RANBP3: variants seen among roughly 807,000 people sequenced by gnomAD.
The protein encoded by RANBP3 is RAN binding protein 3, also known as ran-binding protein 3.
RANBP3 carries 14 observed loss-of-function variants against 77.3 expected under a neutral mutation model. The observed-to-expected ratio is 0.18, with a 90% CI of 0.12 to 0.28. RANBP3 has a LOEUF of 0.28. Among genes scored for constraint, RANBP3 ranks in the 10% least tolerant of loss-of-function variants. RANBP3 has a pLI of 1.00. For synonymous variants in RANBP3, 315 were observed against 312.4 expected, an observed-to-expected ratio of 1.01 and a Z score of -0.09; for missense variants, 586 against 752.3, an observed-to-expected ratio of 0.78 and a Z score of 2.59.
At chr19:5,967,676 C>T (rs546940961) in intron 1 of RANBP3, among the ~76,000 whole-genome samples, 2 of 152,274 alleles carry the variant, frequency 1.3e-5, no homozygotes, top group Admixed American at 1.3e-4. Flanking sequence ...AGAACTTGCA[C>T]TTCTGAACAG....
At chr19:5,941,478 A>C (rs1599753152) in intron 5 of RANBP3, 143 bp downstream of exon 5, 5 of 712,204 alleles carry the variant, frequency 7.0e-6, no homozygotes, top group Non-Finnish European at 1.2e-5. Flanking sequence ...CTCTCACCTC[A>C]CTCCTGACAG....
rs369220045 is a variant in RANBP3 at position 5,950,004 on chromosome 19, T to TG, written c.282+1388dup. On this transcript the variant is annotated intron_variant, in intron 3 of 16. Coordinates refer to ENST00000340578, the MANE Select transcript of RANBP3 (RefSeq NM_007322.3). ...AACCCAGGCACCTGCAGAAGGCCTC[T>TG]GGGGGGGACCCTAAAGACCATCTGT... is the stretch of plus-strand genomic sequence containing the variant. Among the ~76,000 whole-genome samples the TG allele has an allele frequency of 4.5e-3, 685 of 152,206 alleles. 3 individuals carry two copies. The highest frequency in any genetic ancestry group is 0.016 in the African/African-American group (657 of 41,524).
At chr19:5,931,648 A>G in intron 7 of RANBP3, 117 bp from the exon 8 acceptor site, 2 of 1,092,056 alleles carry the variant, frequency 1.8e-6, no homozygotes, top group Non-Finnish European at 2.5e-6. Context: ...GGTAAAGCCC[A>G]CAGCACATGT....
Position 5,932,484 on chromosome 19 carries a change from T to C in RANBP3, c.533A>G (p.Gln178Arg), listed in dbSNP as rs1259269486. The change falls in exon 7 of 17, where the codon CAA (glutamine) becomes CGA (arginine). Residue 178 changes from glutamine (Q) to arginine (R), a missense_variant. By Grantham distance (43) the Gln-to-Arg change is conservative. Around this residue, in one of 5 missense-constraint regions of RANBP3, gnomAD observed 232 missense variants for 271.7 expected, o/e 0.85. Coordinates refer to ENST00000340578, the MANE Select transcript of RANBP3 (RefSeq NM_007322.3). The stretch of plus-strand genomic sequence containing the variant: ...GGACAGCGCCTTTGGCTGCGGAGCT[T>C]GTAACACTGCCGGGCGAAGCACGCT... ...QRSVLRPAVL[Q>R]APQPKALSQT... 2 of 1,613,798 alleles carry C rather than the reference T, an allele frequency of 1.2e-6. No individual in the cohort carries two copies. The highest frequency in any genetic ancestry group is 2.2e-5 in the East Asian group (1 of 44,898).
intron 3 of RANBP3, among the ~76,000 whole-genome samples, chr19:5,945,420 A>G (rs929676323): frequency 2.6e-5 from 4 of 152,302 alleles, no homozygotes; most frequent in South Asian, 4.1e-4. Context: ...CACATACTCC[A>G]TATTTTGATC....
In RANBP3 at chr19:5,933,251, C is replaced by A. The variant is rs944290838; in HGVS notation, c.472+163G>T. 1.1e-5 allele frequency: 6 copies of A among 570,026 alleles called. No homozygotes were observed. The African/African-American group carries it at 1.2e-4, about 11-fold the overall frequency. 35.3% of individuals were successfully genotyped at this position (570,026 alleles called of 1,614,324 possible). A position where few individuals can be genotyped will look rare whatever the true frequency, so the allele number is the denominator to read the frequency against. On this transcript the variant is annotated intron_variant, in intron 6 of 16. Coordinates refer to ENST00000340578, the MANE Select transcript of RANBP3 (RefSeq NM_007322.3). ...ACAGTCAGGGGTCCCAACCTCCCTG[C>A]TCAGACAGCCTCTCTTTAAAGGAAC...
At position 5,948,960 on chromosome 19, in the gene RANBP3, AG is replaced by A. The variant is rs1331402338; in HGVS notation, c.282+2432del. 2.0e-5 allele frequency among the ~76,000 whole-genome samples: 3 copies of A among 152,354 alleles called. No individual in the cohort carries two copies. The East Asian group carries it at 5.8e-4, about 29-fold the overall frequency. On this transcript the variant is annotated intron_variant, in intron 3 of 16. Coordinates refer to ENST00000340578, the MANE Select transcript of RANBP3 (RefSeq NM_007322.3). Reference sequence around the variant, plus strand: ...TTCTTCAGACTGTCTTCTGAAAGCCAGGAAGTCTGATATATAGAGACTTTTT... The same window carrying A: ...TTCTTCAGACTGTCTTCTGAAAGCCAGAAGTCTGATATATAGAGACTTTTT...
chr19:5,922,158 A>C (rs1288543652), intron 13 of RANBP3, among the ~76,000 whole-genome samples: 1 of 150,028 alleles, frequency 6.7e-6, no homozygotes, highest in Admixed American at 6.7e-5. Context: ...TGACTCTGTG[A>C]ATATACTAGA....
In RANBP3 at chr19:5,921,213, G is replaced by A; in HGVS notation, c.1318C>T (p.Gln440Ter). The A allele has an allele frequency of 6.2e-7, 1 of 1,612,288 alleles. No homozygotes were observed. The highest frequency in any genetic ancestry group is 8.5e-7 in the Non-Finnish European group (1 of 1,179,798). ...DMASTDDGTL[Q>*]SRLVMRTQGS... ...GTCGGCAGCTCACCTAGTCGGGACT[G>A]TAGTGTGCCGTCATCGGTGGACGCC... is the stretch of plus-strand genomic sequence containing the variant. Residue 440 changes from glutamine (Q) to a stop codon, truncating the protein, a stop_gained, in exon 14 of 17, where the codon CAG (glutamine) becomes TAG (stop). Transcript: ENST00000340578. LOFTEE classifies it high-confidence loss of function. The surrounding 1 kb of genome is among the most constrained non-coding windows in gnomAD (Gnocchi z 5.3).
rs2057899978 is a variant in RANBP3, at chr19:5,925,807, GC to G, written c.814-71del. ...CCTGGAGTTCCACAGCTCAGTGTCT[GC>G]AGACCCCCTGAGCTGCATGGAGCTG... is the stretch of plus-strand genomic sequence containing the variant. On this transcript the variant is annotated intron_variant, in intron 9 of 16. Transcript: ENST00000340578. The G allele has an allele frequency of 2.3e-6, 3 of 1,289,450 alleles. No homozygotes were observed. The Admixed American group carries it at 5.1e-5, about 22-fold the overall frequency. 79.9% of individuals were successfully genotyped at this position (1,289,450 alleles called of 1,614,324 possible). A position where few individuals can be genotyped will look rare whatever the true frequency, so the allele number is the denominator to read the frequency against.
At chr19:5,953,679 A>G (rs1289827009) in intron 2 of RANBP3, among the ~76,000 whole-genome samples, 1 of 152,248 alleles carries the variant, frequency 6.6e-6, no homozygotes, top group Non-Finnish European at 1.5e-5. Flanking sequence ...ATTAAAAAGA[A>G]AAAGAAAGAA....
chr19:5,937,065 A>G, intron 5 of RANBP3, among the ~76,000 whole-genome samples: 1 of 135,438 alleles, frequency 7.4e-6, no homozygotes, highest in East Asian at 2.0e-4. Flanking sequence ...CCAAAAAAAA[A>G]AAAAAAAAAA....
chr19:5,921,984 T>A lies in RANBP3; in HGVS notation c.1210-663A>T, dbSNP rs2057827244. On this transcript the variant is annotated intron_variant, in intron 13 of 16. Transcript: ENST00000340578. The surrounding 1 kb of genome is among the most constrained non-coding windows in gnomAD (Gnocchi z 5.3). The stretch of plus-strand genomic sequence containing the variant: ...GCGTTGATGCCATTTATATGAAATG[T>A]CAAGGACAGGCAAAAAACAGAGACA... Among the ~76,000 whole-genome samples the A allele has an allele frequency of 6.6e-6, 1 of 152,110 alleles. No individual in the cohort carries two copies. Among genetic ancestry groups the A allele is most frequent in the South Asian group, 2.1e-4 (1 of 4,826 alleles).
intron 1 of RANBP3, 57 bp downstream of exon 1, chr19:5,978,004 G>A (rs573772970): frequency 6.2e-7 from 1 of 1,603,576 alleles, no homozygotes; most frequent in Non-Finnish European, 8.5e-7. Flanking sequence ...GTGGCCCCTA[G>A]TCCTCCCGCC....
chr19:5,950,047 C>T (rs568626547), intron 3 of RANBP3, among the ~76,000 whole-genome samples: 2 of 152,150 alleles, frequency 1.3e-5, no homozygotes, highest in African/African-American at 2.4e-5. Flanking sequence ...CAGCTGAAGA[C>T]GGAAACCTGA....
rs1260073116 is a variant in RANBP3, at chr19:5,916,439, CT to C, written c.*1170del. On this transcript the variant is annotated 3_prime_UTR_variant, in exon 17 of 17. Transcript: ENST00000340578. The stretch of plus-strand genomic sequence containing the variant: ...TTTCCTCTGAAGTCCCAAAGAGGCC[CT>C]GTGCCCAGGGGACCTCCTCCTCGGC... 3 of 152,298 alleles carry C rather than the reference CT, an allele frequency of 2.0e-5. No homozygotes were observed. Among genetic ancestry groups the C allele is most frequent in the Admixed American group, 2.0e-4 (3 of 15,282 alleles). 9.4% of individuals were successfully genotyped at this position (152,298 alleles called of 1,614,324 possible).
chr19:5,960,611 C>T (rs935123942), intron 1 of RANBP3, among the ~76,000 whole-genome samples: 1 of 152,148 alleles, frequency 6.6e-6, no homozygotes, highest in Non-Finnish European at 1.5e-5. Flanking sequence ...GGAAGGAGGA[C>T]ATTAGTGAAA....
chr19:5,935,612 G>A (rs760803216), intron 5 of RANBP3: 29 of 437,604 alleles, frequency 6.6e-5, no homozygotes, highest in Non-Finnish European at 1.3e-4. Context: ...TGGCGCTAAC[G>A]CTGAGGGGAG....
rs1283650663 is a variant in RANBP3, at chr19:5,918,390, C to T, written c.1473+106G>A. On this transcript the variant is annotated intron_variant, in intron 15 of 16. Transcript: ENST00000340578. ...TTGTGTCCCAGGAAGCAACTGAAGC[C>T]CCTCCCCCCTCCCCTCCCCACCGTC... 2.9e-5 allele frequency: 7 copies of T among 241,708 alleles called. 3 individuals carry two copies. The highest frequency in any genetic ancestry group is 4.8e-5 in the African/African-American group (2 of 41,300). 15.0% of individuals were successfully genotyped at this position (241,708 alleles called of 1,614,324 possible).
Sources: gnomAD v4.1 joint callset for allele counts (sites outside exome capture counted in the v4.1 genomes callset) on GRCh38, gnomAD v4.1.1 for gene constraint, gnomAD v4.1.1 regional missense constraint, Gnocchi (gnomAD v3.1) non-coding constraint, MANE v1.5 for transcripts, NCBI Gene and HGNC (gene_info 2026-07-23, HGNC 2026-07-21) for gene names.